Variants in SUGCT observed in about 807,000 individuals in gnomAD.
SUGCT encodes succinyl-CoA:glutarate CoA-transferase.
SUGCT carries 41 observed loss-of-function variants against 55.0 expected under a neutral mutation model. That is an observed-to-expected ratio of 0.74 (90% CI 0.58 to 0.97). SUGCT has a LOEUF of 0.97. SUGCT is among the 50% of genes least tolerant of loss of function. The pLI, the probability that SUGCT is intolerant of heterozygous loss-of-function variation, is 0.00. For synonymous variants in SUGCT, 187 were observed against 200.4 expected (o/e 0.93, Z 0.56); for missense variants, 568 against 547.8 (o/e 1.04, Z -0.37).
At chr7:40,168,491 A>G (rs1784525220) in intron 1 of SUGCT, among the ~76,000 whole-genome samples, 1 of 152,214 alleles carries the variant, frequency 6.6e-6, no homozygotes, top group African/African-American at 2.4e-5. Context: ...TGGAAGAGAT[A>G]AACTTAACAA....
At chr7:40,703,128 G>A (rs1022435666) in intron 12 of SUGCT, among the ~76,000 whole-genome samples, 11 of 147,524 alleles carry the variant, frequency 7.5e-5, no homozygotes, top group African/African-American at 1.5e-4. Flanking sequence ...GCCAGGGCGC[G>A]ATCTCAGCTC....
intron 1 of SUGCT, among the ~76,000 whole-genome samples, chr7:40,177,360 T>G (rs1784976009): frequency 6.7e-6 from 1 of 149,254 alleles, no homozygotes; most frequent in Non-Finnish European, 1.5e-5. Context: ...TTTCTATCCA[T>G]AAGTTCTCTC....
intron 9 of SUGCT, among the ~76,000 whole-genome samples, chr7:40,334,413 G>A (rs1796554355): frequency 6.6e-6 from 1 of 152,170 alleles, no homozygotes. Flanking sequence ...CCCAGCACCT[G>A]TTGTTTCCTG....
intron 13 of SUGCT, among the ~76,000 whole-genome samples, chr7:40,839,551 T>A (rs1387042960): frequency 6.6e-6 from 1 of 152,224 alleles, no homozygotes; most frequent in African/African-American, 2.4e-5. Context: ...ATTTCTTTTT[T>A]AGAAAATTTT....
At chr7:40,647,105 A>G (rs936547385) in intron 12 of SUGCT, among the ~76,000 whole-genome samples, 3 of 152,202 alleles carry the variant, frequency 2.0e-5, no homozygotes, top group Non-Finnish European at 4.4e-5. Context: ...GGAACAGATA[A>G]TATCAGGGCC....
At chr7:41,029,049 C>T in the SUGCT span, among the ~76,000 whole-genome samples, 1 of 152,166 alleles carries the variant, frequency 6.6e-6, no homozygotes, top group African/African-American at 2.4e-5. Context: ...ATGATCAGTT[C>T]TGAATGCTCA....
chr7:40,374,604 T>C lies in SUGCT; in HGVS notation c.816+57749T>C, dbSNP rs146236882. Among the ~76,000 whole-genome samples the C allele has an allele frequency of 4.2e-3, 643 of 152,268 alleles. 3 individuals carry two copies. Among genetic ancestry groups the C allele is most frequent in the African/African-American group, 0.013 (542 of 41,558 alleles). On this transcript the variant is annotated intron_variant, in intron 9 of 13. Transcript: ENST00000335693. Reference sequence around the variant, plus strand: ...TTGAACGGTTCATGGACTGAATTCATCCTGAATATGAGTTAGGTATAACTA... The same window carrying C: ...TTGAACGGTTCATGGACTGAATTCACCCTGAATATGAGTTAGGTATAACTA...
At chr7:40,227,141 G>A (rs1788423528) in intron 6 of SUGCT, among the ~76,000 whole-genome samples, 1 of 148,366 alleles carries the variant, frequency 6.7e-6, no homozygotes, top group South Asian at 2.1e-4. Flanking sequence ...TCACCTCCTG[G>A]GTTCAAGTGA....
intron 7 of SUGCT, among the ~76,000 whole-genome samples, chr7:40,243,125 T>C (rs1474979243): frequency 6.7e-6 from 1 of 149,866 alleles, no homozygotes; most frequent in African/African-American, 2.5e-5. Flanking sequence ...CTCTATCATC[T>C]GTTTATCTAT....
the SUGCT span, among the ~76,000 whole-genome samples, chr7:41,020,719 CG>C: frequency 6.6e-6 from 1 of 152,160 alleles, no homozygotes; most frequent in African/African-American, 2.4e-5. Context: ...GTTCTAGCAA[CG>C]TGGAGGGCTG....
In SUGCT at chr7:40,860,434, G is replaced by A; in HGVS notation, c.1272G>A (p.Gly424=). ...TGAGATACGATGACAGGGCCATCGG[G>A]GAGCTGCTCAGCGCTGGAGTGGTGG... is the stretch of plus-strand genomic sequence containing the variant. ...EVLRYDDRAI[G]ELLSAGVVDQ... Residue 424 remains glycine, a synonymous_variant, in exon 14 of 14, where the codon GGG becomes GGA. Transcript: ENST00000335693. 1 of 1,613,920 alleles carries A rather than the reference G, an allele frequency of 6.2e-7. No individual in the cohort carries two copies. The highest frequency in any genetic ancestry group is 8.5e-7 in the Non-Finnish European group (1 of 1,179,834).
intron 3 of SUGCT, among the ~76,000 whole-genome samples, chr7:40,184,872 T>A (rs1055581949): frequency 1.2e-3 from 186 of 152,340 alleles, no homozygotes; most frequent in African/African-American, 4.4e-3. Flanking sequence ...CCTTCTTTTT[T>A]AAAAAATTTT....
At chr7:40,147,440 C>T (rs933366681) in intron 1 of SUGCT, among the ~76,000 whole-genome samples, 3 of 152,190 alleles carry the variant, frequency 2.0e-5, no homozygotes, top group Admixed American at 2.0e-4. Flanking sequence ...CATCCTGTGG[C>T]TTTCTTTCCC....
intron 13 of SUGCT, among the ~76,000 whole-genome samples, chr7:40,829,555 T>C (rs986361460): frequency 1.3e-5 from 2 of 152,166 alleles, no homozygotes; most frequent in Non-Finnish European, 2.9e-5. Context: ...AAATATTTCA[T>C]AATTATTTTA....
At chr7:40,631,151 G>A (rs1036870195) in intron 12 of SUGCT, among the ~76,000 whole-genome samples, 1 of 152,190 alleles carries the variant, frequency 6.6e-6, no homozygotes, top group Non-Finnish European at 1.5e-5. Context: ...GAAAACAGGA[G>A]AGAGTATTTG....
intron 6 of SUGCT, among the ~76,000 whole-genome samples, chr7:40,212,393 C>T (rs112852890): frequency 0.012 from 1,430 of 118,990 alleles, 20 homozygotes; most frequent in African/African-American, 0.034. Flanking sequence ...CACTGTACTG[C>T]AGCCTGGGTG....
chr7:40,172,912 C>T (rs974180489), intron 1 of SUGCT, among the ~76,000 whole-genome samples: 1 of 152,192 alleles, frequency 6.6e-6, no homozygotes, highest in Non-Finnish European at 1.5e-5. Context: ...GGTATTTCCT[C>T]TGATTCTAAG....
At chr7:40,461,183 A>G (rs543250806) in intron 11 of SUGCT, among the ~76,000 whole-genome samples, 3 of 152,258 alleles carry the variant, frequency 2.0e-5, no homozygotes, top group Non-Finnish European at 4.4e-5. Flanking sequence ...TAAGCTTATC[A>G]TTTATTTTTC....
chr7:40,986,238 A>T, the SUGCT span, among the ~76,000 whole-genome samples: 1 of 152,212 alleles, frequency 6.6e-6, no homozygotes, highest in Non-Finnish European at 1.5e-5. Context: ...TTTATTTAAG[A>T]ACCCCTTTCA....
Sources: gnomAD v4.1 joint callset for allele counts (sites outside exome capture counted in the v4.1 genomes callset) on GRCh38, gnomAD v4.1.1 for gene constraint, MANE v1.5 for transcripts, NCBI Gene and HGNC (gene_info 2026-07-23, HGNC 2026-07-21) for gene names.